CDK14: variants seen among roughly 807,000 people sequenced by gnomAD.
CDK14 encodes cyclin dependent kinase 14.
A neutral mutation model predicts 60.7 loss-of-function variants in CDK14; 34 were observed. The observed-to-expected ratio is 0.56, with a 90% CI of 0.43 to 0.75. The LOEUF is 0.75. Among genes scored for constraint, CDK14 ranks in the 30% least tolerant of loss-of-function variants. The probability of loss-of-function intolerance (pLI) is 0.00; values close to 1 mark genes in which losing one functional copy is unlikely to be tolerated. For missense variants in CDK14, 482 were observed against 564.1 expected (o/e 0.85, Z 1.47); for synonymous variants, 197 against 203.7 (o/e 0.97, Z 0.28).
At chr7:91,157,320 A>G (rs1479928532) in intron 14 of CDK14, among the ~76,000 whole-genome samples, 2 of 152,202 alleles carry the variant, frequency 1.3e-5, no homozygotes, top group African/African-American at 2.4e-5. Flanking sequence ...TAGTGCTTCT[A>G]GTCATACTTC....
intron 14 of CDK14, among the ~76,000 whole-genome samples, chr7:91,170,147 G>A (rs1801472215): frequency 6.6e-6 from 1 of 152,188 alleles, no homozygotes; most frequent in Non-Finnish European, 1.5e-5. Flanking sequence ...CTGTTCCTTA[G>A]AGGTCAAATA....
chr7:90,927,680 A>T (rs1793459193), intron 8 of CDK14, among the ~76,000 whole-genome samples: 1 of 152,124 alleles, frequency 6.6e-6, no homozygotes, highest in African/African-American at 2.4e-5. Flanking sequence ...TGAATCTGAC[A>T]ATTACGTGTC....
intron 4 of CDK14, among the ~76,000 whole-genome samples, chr7:90,750,655 C>A (rs35009382): frequency 0.19 from 28,854 of 152,078 alleles, 2,857 homozygotes; most frequent in South Asian, 0.24. Flanking sequence ...AGCGGATCAT[C>A]TGAGGTCAGG....
intron 5 of CDK14, among the ~76,000 whole-genome samples, chr7:90,833,806 G>T (rs1319512367): frequency 6.6e-6 from 1 of 152,108 alleles, no homozygotes; most frequent in Non-Finnish European, 1.5e-5. Context: ...TTTAAGAAAG[G>T]ACTTAAAAAT....
intron 3 of CDK14, among the ~76,000 whole-genome samples, chr7:90,739,416 A>C (rs1803258085): frequency 6.6e-6 from 1 of 152,098 alleles, no homozygotes; most frequent in Non-Finnish European, 1.5e-5. Flanking sequence ...TTTTTATTAA[A>C]ATTTTTTTTG....
At chr7:91,006,520 G>A (rs968907706) in intron 10 of CDK14, among the ~76,000 whole-genome samples, 14 of 151,982 alleles carry the variant, frequency 9.2e-5, no homozygotes, top group African/African-American at 3.4e-4. Flanking sequence ...AAAATAATTT[G>A]TTCCCTATAT....
At chr7:90,604,404 AAAT>A (rs1799376409) in intron 2 of CDK14, among the ~76,000 whole-genome samples, 155 bp downstream of exon 2, 1 of 152,228 alleles carries the variant, frequency 6.6e-6, no homozygotes, top group Non-Finnish European at 1.5e-5. Context: ...TTCAAATTTT[AAAT>A]AATCGTTCAA....
At chr7:90,959,712 T>A (rs1794542064) in intron 9 of CDK14, among the ~76,000 whole-genome samples, 1 of 152,198 alleles carries the variant, frequency 6.6e-6, no homozygotes, top group Admixed American at 6.6e-5. Context: ...ACATATGCAT[T>A]ATCATTTGTC....
chr7:90,910,829 A>G (rs112370573), intron 7 of CDK14, among the ~76,000 whole-genome samples: 4 of 152,138 alleles, frequency 2.6e-5, no homozygotes, highest in African/African-American at 7.2e-5. Context: ...GGTTTGTTGC[A>G]TAGGTAAAGG....
intron 11 of CDK14, among the ~76,000 whole-genome samples, chr7:91,067,448 A>T (rs1798013120): frequency 6.6e-6 from 1 of 152,198 alleles, no homozygotes; most frequent in Admixed American, 6.5e-5. Flanking sequence ...CTTCATTTGG[A>T]AAAGAAACAG....
At position 90,996,712 on chromosome 7, in the gene CDK14, T is replaced by G. The variant is rs181029489; in HGVS notation, c.1041+12471T>G. Among the ~76,000 whole-genome samples, 1,107 of 152,330 alleles carry G rather than the reference T, an allele frequency of 7.3e-3. 4 individuals are homozygous for G. Among genetic ancestry groups the G allele is most frequent in the Non-Finnish European group, 0.012 (783 of 68,024 alleles). On this transcript the variant is annotated intron_variant, in intron 10 of 14. Coordinates refer to ENST00000380050, the MANE Select transcript of CDK14 (RefSeq NM_001287135.2). ...ACTAAAATCTCTTTGTGGGTTTAGT[T>G]GTACTGGAAGTGTTGAAAACTGTAT...
intron 12 of CDK14, among the ~76,000 whole-genome samples, chr7:91,101,520 C>T (rs1315547797): frequency 1.3e-5 from 2 of 152,168 alleles, no homozygotes; most frequent in Admixed American, 6.5e-5. Flanking sequence ...ACTAAAACTA[C>T]AGCCTATTTA....
At chr7:90,797,437 A>G (rs1189797879) in intron 5 of CDK14, among the ~76,000 whole-genome samples, 1 of 151,964 alleles carries the variant, frequency 6.6e-6, no homozygotes, top group Non-Finnish European at 1.5e-5. Context: ...TGAAGACCCT[A>G]TCTCCAAATA....
chr7:90,827,282 CTCATTTCTTTTTG>C (rs1272278269), intron 5 of CDK14, among the ~76,000 whole-genome samples: 1 of 152,082 alleles, frequency 6.6e-6, no homozygotes, highest in Non-Finnish European at 1.5e-5. Context: ...GAATTGATAT[CTCATTTCTTTTTG>C]TCATGGAATA....
At chr7:90,714,863 C>T (rs1422378131) in intron 2 of CDK14, among the ~76,000 whole-genome samples, 2 of 151,984 alleles carry the variant, frequency 1.3e-5, no homozygotes, top group Non-Finnish European at 2.9e-5. Flanking sequence ...AAAAAGATGG[C>T]TATTGTAGAT....
In CDK14 at chr7:91,167,176, G is replaced by C. The variant is rs1801371443; in HGVS notation, c.*29-39989G>C. On this transcript the variant is annotated intron_variant, in intron 14 of 14. Coordinates refer to ENST00000380050, the MANE Select transcript of CDK14 (RefSeq NM_001287135.2). ...GCCTATTTGTATTTCACAGTCTTTT[G>C]TCACCGAACAACACACAGACAAAAT... is the stretch of plus-strand genomic sequence containing the variant. Among the ~76,000 whole-genome samples the C allele has an allele frequency of 2.0e-5, 3 of 152,228 alleles. No individual in the cohort carries two copies. The South Asian group carries it at 6.2e-4, about 32-fold the overall frequency.
intron 8 of CDK14, among the ~76,000 whole-genome samples, chr7:90,930,907 G>A (rs1793572879): frequency 6.6e-6 from 1 of 151,960 alleles, no homozygotes; most frequent in African/African-American, 2.4e-5. Flanking sequence ...TTTAACATGG[G>A]CATTTCTGTT....
chr7:90,598,603 A>C (rs1335565956), intron 1 of CDK14, among the ~76,000 whole-genome samples: 1 of 152,194 alleles, frequency 6.6e-6, no homozygotes, highest in Non-Finnish European at 1.5e-5. Flanking sequence ...CGACATTCAA[A>C]GTAGCATTAC....
At chr7:91,196,395 A>G (rs1480890344) in intron 14 of CDK14, among the ~76,000 whole-genome samples, 1 of 152,248 alleles carries the variant, frequency 6.6e-6, no homozygotes, top group Non-Finnish European at 1.5e-5. Context: ...TAGTCCATGT[A>G]GTACTCTCCT....
Sources: gnomAD v4.1 joint callset for allele counts (sites outside exome capture counted in the v4.1 genomes callset) on GRCh38, gnomAD v4.1.1 for gene constraint, MANE v1.5 for transcripts, NCBI Gene and HGNC (gene_info 2026-07-23, HGNC 2026-07-21) for gene names.